GPC6: variants seen among roughly 807,000 people sequenced by gnomAD.
The protein encoded by GPC6 is glypican 6.
Under a neutral mutation model 55.2 loss-of-function variants are expected in GPC6, and 14 were observed. The observed-to-expected ratio is 0.25, with a 90% confidence interval of 0.17 to 0.40. GPC6 has a LOEUF of 0.40. Ranked by LOEUF, GPC6 falls within the 10% of genes least tolerant of loss-of-function variation. The pLI, the probability that GPC6 is intolerant of heterozygous loss-of-function variation, is 1.00. For synonymous variants in GPC6, 278 were observed against 259.6 expected (o/e 1.07, Z -0.68); for missense variants, 641 against 708.5 (o/e 0.90, Z 1.08).
chr13:93,590,845 A>T (rs1877430086), intron 2 of GPC6, among the ~76,000 whole-genome samples: 1 of 152,172 alleles, frequency 6.6e-6, no homozygotes, highest in South Asian at 2.1e-4. Flanking sequence ...ATTTTTCATG[A>T]AACGCTGATG....
rs1449132436 is a variant in GPC6 at position 93,615,315 on chromosome 13, C to T, written c.319+69894C>T. 6.6e-5 allele frequency among the ~76,000 whole-genome samples: 10 copies of T among 152,184 alleles called. No homozygotes were observed. In the East Asian group the frequency reaches 1.4e-3, roughly 21 times the overall value. On this transcript the variant is annotated intron_variant, in intron 2 of 8. Coordinates refer to ENST00000377047, the MANE Select transcript of GPC6 (RefSeq NM_005708.5). The stretch of plus-strand genomic sequence containing the variant: ...ACTTTGTCCAAAGTCAGTGTCTCTT[C>T]CTGTTATAAAATTACTTGATCCTAT...
chr13:93,700,235 G>C (rs1882621237), intron 2 of GPC6, among the ~76,000 whole-genome samples: 1 of 152,050 alleles, frequency 6.6e-6, no homozygotes, highest in East Asian at 1.9e-4. Flanking sequence ...ACACTGGTCA[G>C]TACATTATTT....
chr13:93,878,436 G>T (rs188336587), intron 3 of GPC6, among the ~76,000 whole-genome samples: 1 of 151,840 alleles, frequency 6.6e-6, no homozygotes, highest in Non-Finnish European at 1.5e-5. Flanking sequence ...GAGTGCAGTG[G>T]CACCATCTTG....
intron 4 of GPC6, among the ~76,000 whole-genome samples, chr13:94,052,330 T>G (rs1452562881): frequency 6.6e-6 from 1 of 152,088 alleles, no homozygotes; most frequent in African/African-American, 2.4e-5. Context: ...TGAAGGTACT[T>G]TGTCTAAAAA....
Position 93,583,669 on chromosome 13 carries a change from G to C in GPC6, c.319+38248G>C, listed in dbSNP as rs112546143. ...TGACCTCAGGTGATCCACCGCCTCT[G>C]TCTCCCAAAGTGCTGGGATTACATG... On this transcript the variant is annotated intron_variant, in intron 2 of 8. Coordinates refer to ENST00000377047, the MANE Select transcript of GPC6 (RefSeq NM_005708.5). 9.9e-3 allele frequency among the ~76,000 whole-genome samples: 1,509 copies of C among 152,318 alleles called. 24 individuals carry two copies. The highest frequency in any genetic ancestry group is 0.034 in the African/African-American group (1,430 of 41,580).
At chr13:93,509,341 A>T (rs1566395640) in intron 1 of GPC6, among the ~76,000 whole-genome samples, 1 of 152,202 alleles carries the variant, frequency 6.6e-6, no homozygotes, top group Non-Finnish European at 1.5e-5. Context: ...TGTAGTAGTT[A>T]TGCCTTAATA....
chr13:94,360,881 C>T (rs1879030114), intron 6 of GPC6, among the ~76,000 whole-genome samples: 1 of 152,206 alleles, frequency 6.6e-6, no homozygotes, highest in Non-Finnish European at 1.5e-5. Flanking sequence ...GGCCCTACTA[C>T]TTGTGCTATG....
chr13:93,576,442 T>C (rs1876667734), intron 2 of GPC6, among the ~76,000 whole-genome samples: 1 of 152,194 alleles, frequency 6.6e-6, no homozygotes, highest in Non-Finnish European at 1.5e-5. Context: ...ATTAACTGCC[T>C]GACACATCTG....
intron 1 of GPC6, among the ~76,000 whole-genome samples, chr13:93,276,864 ACTT>A (rs1359783146): frequency 5.3e-5 from 8 of 152,100 alleles, no homozygotes; most frequent in African/African-American, 1.9e-4. Context: ...TTTCCAGCTT[ACTT>A]CTTTTCCTGC....
chr13:93,412,475 G>A (rs2139246765), intron 1 of GPC6, among the ~76,000 whole-genome samples: 1 of 152,214 alleles, frequency 6.6e-6, no homozygotes. Context: ...GGCCAATATG[G>A]TGAAACCCCT....
At chr13:93,950,784 G>A (rs1257403276) in intron 3 of GPC6, among the ~76,000 whole-genome samples, 2 of 152,050 alleles carry the variant, frequency 1.3e-5, no homozygotes, top group Non-Finnish European at 2.9e-5. Context: ...TGATTCTGAG[G>A]CTGGGAAATT....
intron 1 of GPC6, among the ~76,000 whole-genome samples, chr13:93,383,269 T>C (rs2139206921): frequency 6.6e-6 from 1 of 152,330 alleles, no homozygotes; most frequent in South Asian, 2.1e-4. Context: ...TGGAATGCAG[T>C]GGTGCAAACA....
intron 4 of GPC6, among the ~76,000 whole-genome samples, chr13:94,092,111 T>A (rs916866784): frequency 2.4e-4 from 30 of 127,136 alleles, no homozygotes; most frequent in Admixed American, 4.5e-4. Context: ...GTTACCTGTG[T>A]GTGTGTTTGC....
chr13:94,054,202 C>T (rs146106770), intron 4 of GPC6, among the ~76,000 whole-genome samples: 3 of 152,234 alleles, frequency 2.0e-5, no homozygotes, highest in African/African-American at 4.8e-5. Flanking sequence ...AAAGAATACC[C>T]GCCCCGCCAT....
At chr13:93,698,213 A>G (rs1181119179) in intron 2 of GPC6, among the ~76,000 whole-genome samples, 1 of 152,022 alleles carries the variant, frequency 6.6e-6, no homozygotes, top group Non-Finnish European at 1.5e-5. Context: ...CAACTAATTA[A>G]TAATGTCTTT....
chr13:94,122,057 G>T (rs1886649159), intron 4 of GPC6, among the ~76,000 whole-genome samples: 1 of 152,096 alleles, frequency 6.6e-6, no homozygotes, highest in Non-Finnish European at 1.5e-5. Context: ...CTAAAAGATA[G>T]ACTATGTCTG....
intron 1 of GPC6, among the ~76,000 whole-genome samples, chr13:93,542,034 C>A (rs1234822545): frequency 1.3e-5 from 2 of 152,096 alleles, no homozygotes; most frequent in African/African-American, 4.8e-5. Flanking sequence ...TTAATTAGAT[C>A]CCATTTGTCA....
chr13:93,386,358 T>C (rs746026381), intron 1 of GPC6, among the ~76,000 whole-genome samples: 4 of 152,156 alleles, frequency 2.6e-5, no homozygotes, highest in Non-Finnish European at 5.9e-5. Context: ...CCCAGACCGT[T>C]CTAACACTTG....
intron 4 of GPC6, among the ~76,000 whole-genome samples, chr13:94,214,617 C>T (rs1451730925): frequency 3.9e-5 from 6 of 151,950 alleles, no homozygotes; most frequent in Admixed American, 3.9e-4. Context: ...TCAAGTTGGC[C>T]CTCTATCTAT....
Sources: gnomAD v4.1 joint callset for allele counts (sites outside exome capture counted in the v4.1 genomes callset) on GRCh38, gnomAD v4.1.1 for gene constraint, MANE v1.5 for transcripts, NCBI Gene and HGNC (gene_info 2026-07-23, HGNC 2026-07-21) for gene names.